CFI: variants seen among roughly 807,000 people sequenced by gnomAD.
CFI encodes C3B/C4B inactivator.
Under a neutral mutation model 78.8 loss-of-function variants are expected in CFI, and 66 were observed. The ratio of observed to expected loss-of-function variants is 0.84; its 90% confidence interval spans 0.69 to 1.03. The LOEUF (loss-of-function observed/expected upper bound fraction) is 1.03. Among genes scored for constraint, CFI ranks in the 50% least tolerant of loss-of-function variants. CFI has a pLI of 0.00. For missense variants in CFI, 706 were observed against 704.5 expected (o/e 1.00, Z -0.02); for synonymous variants, 250 against 232.6 (o/e 1.07, Z -0.68).
chr4:109,738,467 G>A (rs920281632), downstream of CFI, among the ~76,000 whole-genome samples: 3 of 152,148 alleles, frequency 2.0e-5, no homozygotes, highest in Admixed American at 6.5e-5. Context: ...CGTTGCTCCC[G>A]GATTGCTGAG....
chr4:109,777,881 T>C (rs1729474284), intron 1 of CFI, among the ~76,000 whole-genome samples: 1 of 152,126 alleles, frequency 6.6e-6, no homozygotes, highest in Non-Finnish European at 1.5e-5. Flanking sequence ...CCCGAATGAC[T>C]ACTGGGTACA....
downstream of CFI, among the ~76,000 whole-genome samples, chr4:109,738,686 C>T (rs1053484816): frequency 3.9e-5 from 6 of 152,122 alleles, no homozygotes; most frequent in Non-Finnish European, 8.8e-5. Flanking sequence ...AAGTCTGGTG[C>T]CCCCGGCCCT....
chr4:109,736,817 C>T (rs1205098669), downstream of CFI, among the ~76,000 whole-genome samples: 1 of 152,134 alleles, frequency 6.6e-6, no homozygotes, highest in Non-Finnish European at 1.5e-5. Flanking sequence ...TTTCCTATCA[C>T]GTACTGTACA....
intron 12 of CFI, chr4:109,742,107 T>C (rs1242742770): frequency 4.9e-6 from 1 of 204,820 alleles, no homozygotes; most frequent in Admixed American, 5.3e-5. Flanking sequence ...TCTGTAAGAC[T>C]TTGGACAAAT....
At chr4:109,787,950 C>G (rs1042170399) in intron 1 of CFI, among the ~76,000 whole-genome samples, 14 of 151,824 alleles carry the variant, frequency 9.2e-5, no homozygotes, top group African/African-American at 2.7e-4. Context: ...GTTATGTTTC[C>G]TTCCTTTCCT....
chr4:109,760,783 A>C, intron 4 of CFI, 147 bp from the exon 5 acceptor site: 2 of 661,232 alleles, frequency 3.0e-6, no homozygotes, highest in Non-Finnish European at 5.5e-6. Context: ...AACATAGTAC[A>C]TATGACTCAT....
At chr4:109,742,207 T>C (rs865839977) in intron 12 of CFI, 8 of 380,560 alleles carry the variant, frequency 2.1e-5, no homozygotes, top group African/African-American at 2.0e-5. Flanking sequence ...GACTAGCAAT[T>C]AGTAAAAGCT....
intron 1 of CFI, among the ~76,000 whole-genome samples, chr4:109,775,948 C>G (rs1204785651): frequency 1.3e-5 from 2 of 152,146 alleles, no homozygotes; most frequent in Non-Finnish European, 2.9e-5. Context: ...GGAAAACTAA[C>G]AAACAAGGAC....
chr4:109,774,274 G>A (rs752867112), intron 1 of CFI, among the ~76,000 whole-genome samples: 13 of 152,146 alleles, frequency 8.5e-5, no homozygotes, highest in Non-Finnish European at 1.8e-4. Flanking sequence ...ATGACATAAG[G>A]TGATAAATGC....
chr4:109,766,660 C>G lies in CFI; in HGVS notation c.222G>C (p.Val74=). The G allele has an allele frequency of 6.2e-7, 1 of 1,614,188 alleles. No homozygotes were observed. The highest frequency in any genetic ancestry group is 8.5e-7 in the Non-Finnish European group (1 of 1,180,036). ...GGAAGCTTCTCCTGTTAGTTGCACA[C>G]ACTGCAGTGCCATTCTTTGGGCACT... ...PYQCPKNGTA[V]CATNRRSFPT... Residue 74 remains valine (V), a synonymous_variant, in exon 2 of 13, where the codon GTG becomes GTC. Transcript: ENST00000394634.
At chr4:109,755,862 G>A (rs1020168514) in intron 7 of CFI, among the ~76,000 whole-genome samples, 2 of 152,126 alleles carry the variant, frequency 1.3e-5, no homozygotes, top group Non-Finnish European at 2.9e-5. Context: ...GTATGATTGT[G>A]GGCTGAAAGT....
At chr4:109,770,552 T>C (rs1244701407) in intron 1 of CFI, among the ~76,000 whole-genome samples, 3 of 57,290 alleles carry the variant, frequency 5.2e-5, no homozygotes, top group African/African-American at 1.8e-4. Flanking sequence ...CGAGACTCCA[T>C]CTCTAAAAAA....
In CFI at chr4:109,749,577, T is replaced by C. The variant is rs1431625506; in HGVS notation, c.966A>G (p.Leu322=). The C allele has an allele frequency of 6.2e-7, 1 of 1,607,716 alleles. No homozygotes were observed. Reference sequence around the variant, plus strand: ...TTTTAACTCCACAAGATAGTTTAGGTAATAATGATTTTATCCGTCTTCTTT... The same window carrying C: ...TTTTAACTCCACAAGATAGTTTAGGCAATAATGATTTTATCCGTCTTCTTT... The part of the protein sequence containing the change: ...DAERRRIKSL[L]PKLSCGVKNR... The change falls in exon 9 of 13, where the codon TTA becomes TTG. Residue 322 remains leucine (L), a synonymous_variant. Transcript: ENST00000394634.
At chr4:109,765,513 G>A (rs1167389910) in intron 2 of CFI, among the ~76,000 whole-genome samples, 1 of 152,190 alleles carries the variant, frequency 6.6e-6, no homozygotes, top group African/African-American at 2.4e-5. Flanking sequence ...TTTTACAGAT[G>A]AGGGAACTGG....
At chr4:109,735,611 A>C in the CFI span, among the ~76,000 whole-genome samples, 10 of 152,368 alleles carry the variant, frequency 6.6e-5, no homozygotes, top group African/African-American at 2.4e-4. Context: ...AAACAGTTCC[A>C]GCCATAATGG....
chr4:109,785,051 C>G (rs1438664579), intron 1 of CFI, among the ~76,000 whole-genome samples: 1 of 152,074 alleles, frequency 6.6e-6, no homozygotes, highest in Non-Finnish European at 1.5e-5. Context: ...ATTCTCCCCA[C>G]CCTTGAGAAT....
intron 7 of CFI, among the ~76,000 whole-genome samples, chr4:109,753,138 T>C (rs1357607692): frequency 2.1e-4 from 18 of 87,010 alleles, no homozygotes; most frequent in African/African-American, 8.4e-4. Context: ...AAATAAATAT[T>C]TATAATATAT....
chr4:109,764,682 TA>T lies in CFI; in HGVS notation c.336del (p.Phe112LeufsTer5). ...GTATTTCCATGCTTCAAGGAAACACTAAACTTTCCTAAAATAAAAAAACAAA... is the reference window on the plus strand; with the variant it reads ...GTATTTCCATGCTTCAAGGAAACACTAACTTTCCTAAAATAAAAAAACAAA... ...NNGTCTAEGK[F>X]SVSLKHGNTD... On this transcript the variant is annotated frameshift_variant, in exon 3 of 13. Coordinates refer to ENST00000394634, the MANE Select transcript of CFI (RefSeq NM_000204.5). LOFTEE classifies it high-confidence loss of function. The T allele has an allele frequency of 1.2e-6, 2 of 1,613,406 alleles. No homozygotes were observed. Among genetic ancestry groups the T allele is most frequent in the Non-Finnish European group, 1.7e-6 (2 of 1,179,794 alleles).
chr4:109,784,094 C>T (rs561733157), intron 1 of CFI, among the ~76,000 whole-genome samples: 4 of 151,614 alleles, frequency 2.6e-5, no homozygotes, highest in African/African-American at 7.3e-5. Flanking sequence ...GTATACTGCT[C>T]GGGTGATGGG....
Sources: allele counts gnomAD v4.1 joint callset (sites outside exome capture counted in the v4.1 genomes callset), GRCh38; gene constraint gnomAD v4.1.1; transcripts MANE v1.5; gene names NCBI Gene and HGNC (gene_info 2026-07-23, HGNC 2026-07-21).